MMP16: variants seen among roughly 807,000 people sequenced by gnomAD.
MMP16 encodes the protein matrix metallopeptidase 16, also known as matrix metalloproteinase-16.
Under a neutral mutation model 67.8 loss-of-function variants are expected in MMP16, and 12 were observed. The observed-to-expected ratio is 0.18, with a 90% CI of 0.11 to 0.29. MMP16 has a LOEUF of 0.29. Among genes scored for constraint, MMP16 ranks in the 10% least tolerant of loss-of-function variants. The pLI, the probability that MMP16 is intolerant of heterozygous loss-of-function variation, is 1.00. For missense variants in MMP16, 475 were observed against 765.7 expected (o/e 0.62, Z 4.48); for synonymous variants, 249 against 255.9 (o/e 0.97, Z 0.26).
At chr8:88,183,231 T>C (rs975293442) in intron 3 of MMP16, among the ~76,000 whole-genome samples, 1 of 152,192 alleles carries the variant, frequency 6.6e-6, no homozygotes, top group Non-Finnish European at 1.5e-5. Context: ...TACTGGCTCA[T>C]CAATTTTAAC....
intron 1 of MMP16, among the ~76,000 whole-genome samples, chr8:88,221,484 T>C (rs1413328099): frequency 6.6e-6 from 1 of 151,586 alleles, no homozygotes; most frequent in Non-Finnish European, 1.5e-5. Context: ...ACATAACATT[T>C]AAAAAGAGCC....
intron 1 of MMP16, among the ~76,000 whole-genome samples, chr8:88,322,250 A>G (rs1811471024): frequency 6.6e-6 from 1 of 152,158 alleles, no homozygotes; most frequent in Non-Finnish European, 1.5e-5. Flanking sequence ...GTGATGTTGT[A>G]AAAGAAGGTG....
intron 6 of MMP16, among the ~76,000 whole-genome samples, chr8:88,113,206 A>G (rs538197843): frequency 6.6e-6 from 1 of 152,004 alleles, no homozygotes; most frequent in Admixed American, 6.6e-5. Context: ...TACAGAAGAC[A>G]GAAATTAATA....
chr8:88,173,046 G>A (rs138736841), intron 3 of MMP16, among the ~76,000 whole-genome samples: 4 of 152,028 alleles, frequency 2.6e-5, no homozygotes, highest in African/African-American at 7.2e-5. Context: ...ACTCTTTAAA[G>A]GTTTTTGTTG....
intron 4 of MMP16, among the ~76,000 whole-genome samples, chr8:88,154,716 G>T (rs1288149085): frequency 6.8e-6 from 1 of 147,250 alleles, no homozygotes; most frequent in African/African-American, 2.5e-5. Context: ...GGGGACTGTG[G>T]TGGGGTGGGG....
At chr8:88,074,396 AAT>A (rs1200009658) in intron 7 of MMP16, among the ~76,000 whole-genome samples, 1 of 152,122 alleles carries the variant, frequency 6.6e-6, no homozygotes, top group Non-Finnish European at 1.5e-5. Context: ...TAAGAGAAAG[AAT>A]ATCTCTTAAA....
At chr8:88,285,226 G>A (rs1030987881) in intron 1 of MMP16, among the ~76,000 whole-genome samples, 6 of 151,964 alleles carry the variant, frequency 3.9e-5, no homozygotes, top group East Asian at 1.9e-4. Flanking sequence ...TGCAACCTCC[G>A]CCCTCTGGGT....
intron 6 of MMP16, among the ~76,000 whole-genome samples, chr8:88,112,965 C>T (rs548112953): frequency 1.3e-5 from 2 of 151,850 alleles, no homozygotes; most frequent in South Asian, 2.1e-4. Context: ...AAATAATACT[C>T]ATTGAAATCT....
chr8:88,151,825 C>T (rs2129647722), intron 4 of MMP16, among the ~76,000 whole-genome samples: 1 of 137,010 alleles, frequency 7.3e-6, no homozygotes, highest in South Asian at 2.5e-4. Flanking sequence ...AGAGCAAACA[C>T]ATTCAAAAGC....
chr8:88,241,148 A>C (rs1810027488), intron 1 of MMP16, among the ~76,000 whole-genome samples: 1 of 152,016 alleles, frequency 6.6e-6, no homozygotes, highest in South Asian at 2.1e-4. Context: ...TTAAAAAATA[A>C]AAAGACCAGA....
intron 1 of MMP16, among the ~76,000 whole-genome samples, chr8:88,251,290 CAG>C (rs1810216292): frequency 6.6e-6 from 1 of 151,760 alleles, no homozygotes; most frequent in African/African-American, 2.4e-5. Context: ...GGTACCAAAA[CAG>C]AGATATAGAT....
intron 1 of MMP16, among the ~76,000 whole-genome samples, chr8:88,216,044 A>G (rs1809587469): frequency 6.6e-6 from 1 of 152,198 alleles, no homozygotes; most frequent in Non-Finnish European, 1.5e-5. Flanking sequence ...AAGAAGAATT[A>G]CGTATTTTAT....
At position 88,315,626 on chromosome 8, in the gene MMP16, C is replaced by T. The variant is rs556919894; in HGVS notation, c.132+11449G>A. ...ACTAAATGTGTGTGTGTTCTGACTG[C>T]TCCACTCACTGGCCATTCCCCCATC... On this transcript the variant is annotated intron_variant, in intron 1 of 9. Coordinates refer to ENST00000286614, the MANE Select transcript of MMP16 (RefSeq NM_005941.5). 2.8e-4 allele frequency among the ~76,000 whole-genome samples: 43 copies of T among 152,276 alleles called. 1 individual carries two copies. In the South Asian group the frequency reaches 3.5e-3, roughly 12 times the overall value.
intron 1 of MMP16, among the ~76,000 whole-genome samples, chr8:88,303,702 C>G (rs1811168361): frequency 6.6e-6 from 1 of 152,188 alleles, no homozygotes; most frequent in South Asian, 2.1e-4. Flanking sequence ...GAGCAGACCC[C>G]CAGCAAACTG....
At chr8:88,210,682 G>A (rs1211435222) in intron 1 of MMP16, among the ~76,000 whole-genome samples, 2 of 152,090 alleles carry the variant, frequency 1.3e-5, no homozygotes, top group African/African-American at 4.8e-5. Flanking sequence ...ATACAGCAAG[G>A]TACAATAGGT....
intron 1 of MMP16, among the ~76,000 whole-genome samples, chr8:88,283,879 C>G (rs186908663): frequency 6.6e-6 from 1 of 152,110 alleles, no homozygotes; most frequent in African/African-American, 2.4e-5. Flanking sequence ...ACATCATTAC[C>G]CACATGGCCT....
chr8:88,192,770 C>T (rs1023955081), intron 2 of MMP16, among the ~76,000 whole-genome samples: 2 of 152,258 alleles, frequency 1.3e-5, no homozygotes, highest in African/African-American at 4.8e-5. Context: ...CCAAATATCA[C>T]TATAGTTTCA....
At chr8:88,177,481 C>T (rs188206772) in intron 3 of MMP16, among the ~76,000 whole-genome samples, 1 of 147,742 alleles carries the variant, frequency 6.8e-6, no homozygotes, top group Admixed American at 6.7e-5. Context: ...AAGTCCCAGC[C>T]TTAGGGGTGG....
intron 1 of MMP16, among the ~76,000 whole-genome samples, chr8:88,282,380 A>G (rs2129997155): frequency 6.6e-6 from 1 of 152,308 alleles, no homozygotes; most frequent in African/African-American, 2.4e-5. Context: ...GCCAAATTCC[A>G]GTTTTTCTAT....
Sources: allele counts gnomAD v4.1 joint callset (sites outside exome capture counted in the v4.1 genomes callset), GRCh38; gene constraint gnomAD v4.1.1; transcripts MANE v1.5; gene names NCBI Gene and HGNC (gene_info 2026-07-23, HGNC 2026-07-21).